Variants in SMURF1 observed in about 807,000 individuals in gnomAD.
SMURF1 encodes E3 ubiquitin-protein ligase SMURF1.
A neutral mutation model predicts 98.0 loss-of-function variants in SMURF1; 44 were observed. That is an observed-to-expected ratio of 0.45 (90% confidence interval 0.35 to 0.58). SMURF1 has a LOEUF of 0.58. Ranked by LOEUF, SMURF1 falls within the 20% of genes least tolerant of loss-of-function variation. The pLI, the probability that SMURF1 is intolerant of heterozygous loss-of-function variation, is 0.00. For missense variants in SMURF1, 687 were observed against 938.4 expected (o/e 0.73, Z 3.50); for synonymous variants, 396 against 374.9 (o/e 1.06, Z -0.65).
At chr7:99,052,587 A>G (rs1795786568) in intron 6 of SMURF1, 141 bp from the exon 7 acceptor site, 1 of 949,848 alleles carries the variant, frequency 1.1e-6, no homozygotes, top group Non-Finnish European at 1.4e-6. Context: ...CCAAGGGCCT[A>G]GTTTTGTAAA....
At position 99,030,564 on chromosome 7, in the gene SMURF1, C is replaced by G. The variant is rs1368199278; in HGVS notation, c.*20G>C. 6.2e-7 allele frequency: 1 copy of G among 1,610,760 alleles called. No homozygotes were observed. The highest frequency in any genetic ancestry group is 1.7e-5 in the Admixed American group (1 of 59,996). On this transcript the variant is annotated 3_prime_UTR_variant, in exon 18 of 18. Transcript: ENST00000361368. Reference sequence around the variant, plus strand: ...TGGTCTGGTGGCCATGAGCTAGACTCTGTTGCCTTTGGTTGCTTTTCACTC... The same window carrying G: ...TGGTCTGGTGGCCATGAGCTAGACTGTGTTGCCTTTGGTTGCTTTTCACTC...
At chr7:99,032,908 G>C (rs1794965219) in intron 17 of SMURF1, 129 bp downstream of exon 17, 1 of 1,086,194 alleles carries the variant, frequency 9.2e-7, no homozygotes, top group Admixed American at 2.2e-5. Context: ...TGTGGCTTTT[G>C]AGTTCTGATG....
intron 1 of SMURF1, among the ~76,000 whole-genome samples, chr7:99,071,307 G>A (rs1009971456): frequency 1.6e-4 from 24 of 152,246 alleles, no homozygotes; most frequent in East Asian, 5.8e-4. Flanking sequence ...TGATCCACCC[G>A]CCTCGGCCTC....
Position 99,143,882 on chromosome 7 carries a change from G to T in SMURF1, c.-102C>A. ...CGCCTCAAGGTTACGGCTCCGGGCT[G>T]GGCGCCGGGGTCCGAGCCGGGACAC... On this transcript the variant is annotated 5_prime_UTR_variant, in exon 1 of 18. Coordinates refer to ENST00000361368, the MANE Select transcript of SMURF1 (RefSeq NM_181349.3). 9.2e-7 allele frequency: 1 copy of T among 1,090,596 alleles called. No homozygotes were observed. The highest frequency in any genetic ancestry group is 1.2e-6 in the Non-Finnish European group (1 of 818,612). The allele number at this position is 1,090,596 out of a possible 1,614,324, so 67.6% of individuals were successfully genotyped here. A position where few individuals can be genotyped will look rare whatever the true frequency, so the allele number is the denominator to read the frequency against.
At chr7:99,043,984 C>T (rs899110471) in intron 11 of SMURF1, among the ~76,000 whole-genome samples, 6 of 152,106 alleles carry the variant, frequency 3.9e-5, no homozygotes, top group South Asian at 2.1e-4. Context: ...GCAGGAGACA[C>T]GGGGGCTGTC....
intron 1 of SMURF1, among the ~76,000 whole-genome samples, chr7:99,114,529 T>G (rs970626638): frequency 1.3e-5 from 2 of 151,968 alleles, no homozygotes; most frequent in African/African-American, 4.8e-5. Flanking sequence ...ACTAACAAAA[T>G]TGAGGGAGAA....
intron 1 of SMURF1, among the ~76,000 whole-genome samples, chr7:99,105,005 G>A (rs552510002): frequency 6.6e-6 from 1 of 152,206 alleles, no homozygotes; most frequent in Non-Finnish European, 1.5e-5. Flanking sequence ...GCCAAAGTCA[G>A]TTTCTGTTGC....
At chr7:99,120,637 A>AG (rs910134306) in intron 1 of SMURF1, 15 of 151,704 alleles carry the variant, frequency 9.9e-5, no homozygotes, top group African/African-American at 3.4e-4. Context: ...AAAAAAAAAA[A>AG]CAAACCTGGA....
intron 1 of SMURF1, among the ~76,000 whole-genome samples, chr7:99,064,299 TCCCTCC>T (rs754254560): frequency 2.0e-5 from 3 of 152,232 alleles, no homozygotes; most frequent in Non-Finnish European, 4.4e-5. Context: ...TGGGAAATAT[TCCCTCC>T]TCCTCCTCGT....
At chr7:99,086,329 G>C (rs1434241656) in intron 1 of SMURF1, among the ~76,000 whole-genome samples, 1 of 150,368 alleles carries the variant, frequency 6.7e-6, no homozygotes, top group Non-Finnish European at 1.5e-5. Flanking sequence ...CTGGGCAACA[G>C]AGTGAGACTC....
intron 9 of SMURF1, chr7:99,048,580 A>G (rs1795657008): frequency 6.6e-6 from 1 of 152,412 alleles, no homozygotes; most frequent in African/African-American, 2.4e-5. Context: ...AAAGGAGGTA[A>G]CAGTGGAGAA....
chr7:99,132,325 C>A (rs147429896), intron 1 of SMURF1, among the ~76,000 whole-genome samples: 4 of 152,276 alleles, frequency 2.6e-5, no homozygotes, highest in Admixed American at 2.6e-4. Context: ...GGCATTAATT[C>A]TCTCATTCAC....
intron 1 of SMURF1, among the ~76,000 whole-genome samples, chr7:99,073,299 A>G (rs540084983): frequency 7.9e-5 from 12 of 151,840 alleles, no homozygotes; most frequent in African/African-American, 2.9e-4. Context: ...GAATTGCTTG[A>G]ACCTGGGAGG....
chr7:99,033,720 A>C (rs765452128), intron 16 of SMURF1, among the ~76,000 whole-genome samples: 2 of 152,150 alleles, frequency 1.3e-5, no homozygotes, highest in Non-Finnish European at 2.9e-5. Flanking sequence ...TGAGGGTCAG[A>C]GCTATTTGTA....
At chr7:99,054,695 G>A in intron 6 of SMURF1, 95 bp downstream of exon 6, 1 of 996,310 alleles carries the variant, frequency 1.0e-6, no homozygotes, top group Non-Finnish European at 1.6e-6. Context: ...CAAGCATTCT[G>A]CAGAGTGACT....
intron 1 of SMURF1, among the ~76,000 whole-genome samples, chr7:99,121,862 ACCATTGTT>A (rs1270250332): frequency 3.9e-5 from 6 of 152,120 alleles, no homozygotes; most frequent in African/African-American, 1.4e-4. Context: ...CCAGGGGAAA[ACCATTGTT>A]CCAACGAGCT....
intron 8 of SMURF1, chr7:99,050,880 ACT>A: frequency 1.7e-6 from 2 of 1,164,660 alleles, no homozygotes; most frequent in South Asian, 1.7e-5. Flanking sequence ...AAGAAACTTA[ACT>A]CTGTTATGGG....
At chr7:99,059,397 CAA>C (rs1194308241) in intron 3 of SMURF1, among the ~76,000 whole-genome samples, 1 of 57,090 alleles carries the variant, frequency 1.8e-5, no homozygotes, top group African/African-American at 7.2e-5. Context: ...GACTCCATCT[CAA>C]AAAAAAATAA....
chr7:99,104,187 G>A (rs773793718), intron 1 of SMURF1, among the ~76,000 whole-genome samples: 1 of 152,048 alleles, frequency 6.6e-6, no homozygotes, highest in Non-Finnish European at 1.5e-5. Flanking sequence ...GTGCCCCGCC[G>A]GGACACATAA....
Sources: allele counts gnomAD v4.1 joint callset (sites outside exome capture counted in the v4.1 genomes callset), GRCh38; gene constraint gnomAD v4.1.1; transcripts MANE v1.5; gene names NCBI Gene and HGNC (gene_info 2026-07-23, HGNC 2026-07-21).